DTNA: variants seen among roughly 807,000 people sequenced by gnomAD.
DTNA encodes the protein dystrobrevin alpha.
Under a neutral mutation model 100.7 loss-of-function variants are expected in DTNA, and 43 were observed. That is an observed-to-expected ratio of 0.43 (90% CI 0.33 to 0.55). The LOEUF (loss-of-function observed/expected upper bound fraction) is 0.55, where lower values mean the gene tolerates loss of function less well. DTNA is among the 20% of genes least tolerant of loss of function. DTNA has a pLI of 0.04. For missense variants in DTNA, 798 were observed against 953.9 expected (o/e 0.84, Z 2.15); for synonymous variants, 349 against 347.9 (o/e 1.00, Z -0.04).
chr18:34,753,368 T>TTTATTTTA (rs2092508999), intron 1 of DTNA, among the ~76,000 whole-genome samples: 18 of 93,090 alleles, frequency 1.9e-4, no homozygotes, highest in African/African-American at 1.1e-3. Flanking sequence ...TTTATTTTAT[T>TTTATTTTA]TTTTTTTTTT....
At chr18:34,794,402 A>G (rs2094883219) in intron 4 of DTNA, 152 bp downstream of exon 4, 2 of 856,824 alleles carry the variant, frequency 2.3e-6, no homozygotes, top group Non-Finnish European at 3.6e-6. Context: ...TAAAGTCTCC[A>G]TGTGTTTAAT....
At chr18:34,626,923 GGCATCAA>G (rs1195814566) in intron 1 of DTNA, among the ~76,000 whole-genome samples, 1 of 152,166 alleles carries the variant, frequency 6.6e-6, no homozygotes, top group African/African-American at 2.4e-5. Context: ...GTGTGCTAAT[GGCATCAA>G]AGTAATGGAA....
intron 1 of DTNA, among the ~76,000 whole-genome samples, chr18:34,637,878 G>A (rs1237754775): frequency 6.6e-6 from 1 of 152,226 alleles, no homozygotes. Context: ...AGAGCACTGA[G>A]CTAAGCATAT....
chr18:34,832,286 T>C lies in DTNA; in HGVS notation c.1175+2797T>C, dbSNP rs181190799. ...GCATGTTGTATGAAATTTTATGAAGTTGAAATAATCACTCTCTGCAGATAA... is the reference window on the plus strand; with the variant it reads ...GCATGTTGTATGAAATTTTATGAAGCTGAAATAATCACTCTCTGCAGATAA... On this transcript the variant is annotated intron_variant, in intron 11 of 22. Coordinates refer to ENST00000444659, the MANE Select transcript of DTNA (RefSeq NM_001386795.1). 2.4e-3 allele frequency among the ~76,000 whole-genome samples: 363 copies of C among 152,364 alleles called. 1 individual carries two copies. Among genetic ancestry groups the C allele is most frequent in the African/African-American group, 8.4e-3 (348 of 41,578 alleles).
chr18:34,687,238 T>A (rs2145719849), intron 1 of DTNA, among the ~76,000 whole-genome samples: 1 of 152,332 alleles, frequency 6.6e-6, no homozygotes. Context: ...GATGTTAAGG[T>A]GTCAATTTTA....
intron 1 of DTNA, among the ~76,000 whole-genome samples, chr18:34,532,901 G>A (rs1306117644): frequency 1.3e-5 from 2 of 151,964 alleles, no homozygotes; most frequent in African/African-American, 4.8e-5. Flanking sequence ...GTGAGGAATG[G>A]TTGGATACAG....
At chr18:34,813,858 A>AG (rs1201791557) in intron 6 of DTNA, among the ~76,000 whole-genome samples, 9 of 152,098 alleles carry the variant, frequency 5.9e-5, no homozygotes, top group Admixed American at 5.2e-4. Flanking sequence ...AAAAAAAAAA[A>AG]AAAAGTCAAT....
At chr18:34,619,101 T>C (rs532459644) in intron 1 of DTNA, among the ~76,000 whole-genome samples, 29 of 152,286 alleles carry the variant, frequency 1.9e-4, no homozygotes, top group African/African-American at 7.0e-4. Context: ...CTGGAAAAAG[T>C]AAATATCATT....
chr18:34,522,677 A>T (rs780048427), intron 1 of DTNA, among the ~76,000 whole-genome samples: 10 of 152,182 alleles, frequency 6.6e-5, no homozygotes, highest in Non-Finnish European at 1.2e-4. Context: ...GAGAGCCAAC[A>T]AGTGTGGTCA....
chr18:34,608,265 G>T (rs1424096168), intron 1 of DTNA, among the ~76,000 whole-genome samples: 5 of 152,158 alleles, frequency 3.3e-5, no homozygotes, highest in African/African-American at 7.2e-5. Flanking sequence ...ACATGGTTTT[G>T]CTATCACGGT....
At chr18:34,501,477 A>C (rs2039915172) in intron 1 of DTNA, among the ~76,000 whole-genome samples, 1 of 152,200 alleles carries the variant, frequency 6.6e-6, no homozygotes. Context: ...TAGCTTTATA[A>C]AATGAATAGG....
At chr18:34,577,218 C>T (rs1392928722) in intron 1 of DTNA, among the ~76,000 whole-genome samples, 1 of 152,122 alleles carries the variant, frequency 6.6e-6, no homozygotes, top group African/African-American at 2.4e-5. Context: ...CATGAAATGT[C>T]TCTCTTTATC....
At chr18:34,780,891 A>T (rs1341067308) in intron 3 of DTNA, among the ~76,000 whole-genome samples, 1 of 152,212 alleles carries the variant, frequency 6.6e-6, no homozygotes, top group Non-Finnish European at 1.5e-5. Flanking sequence ...TCCATTCAGG[A>T]GACAAAAGGA....
At chr18:34,678,032 CT>C (rs1183083748) in intron 1 of DTNA, among the ~76,000 whole-genome samples, 7 of 152,150 alleles carry the variant, frequency 4.6e-5, no homozygotes, top group Non-Finnish European at 8.8e-5. Context: ...ACACATCCTT[CT>C]TCATGTAGCA....
intron 1 of DTNA, among the ~76,000 whole-genome samples, chr18:34,506,727 C>G (rs2040528857): frequency 6.6e-6 from 1 of 152,152 alleles, no homozygotes; most frequent in Admixed American, 6.5e-5. Context: ...ACACACGATT[C>G]CAGGGAACTC....
At chr18:34,867,040 G>T (rs961424916) in intron 17 of DTNA, 27 of 1,226,442 alleles carry the variant, frequency 2.2e-5, no homozygotes, top group Non-Finnish European at 2.7e-5. Flanking sequence ...AATAAAAGCA[G>T]CTTTAATTTC....
intron 1 of DTNA, among the ~76,000 whole-genome samples, chr18:34,744,031 A>T (rs2091171574): frequency 6.6e-6 from 1 of 152,100 alleles, no homozygotes; most frequent in Admixed American, 6.6e-5. Context: ...TCCTTTTCCC[A>T]GCGAATCAAA....
chr18:34,784,732 T>G (rs1601959706), intron 3 of DTNA, among the ~76,000 whole-genome samples: 1 of 152,316 alleles, frequency 6.6e-6, no homozygotes, highest in East Asian at 1.9e-4. Context: ...CATATTTTGT[T>G]AAATCACCAA....
intron 1 of DTNA, among the ~76,000 whole-genome samples, chr18:34,611,430 C>G (rs2054187259): frequency 6.6e-6 from 1 of 152,178 alleles, no homozygotes; most frequent in Non-Finnish European, 1.5e-5. Context: ...CCCTATAAAT[C>G]TTTATTCATA....
Sources: gnomAD v4.1 joint callset for allele counts (sites outside exome capture counted in the v4.1 genomes callset) on GRCh38, gnomAD v4.1.1 for gene constraint, MANE v1.5 for transcripts, NCBI Gene and HGNC (gene_info 2026-07-23, HGNC 2026-07-21) for gene names.